Variants in TRIP11 observed in about 807,000 individuals in gnomAD.
TRIP11 encodes the protein thyroid hormone receptor interactor 11.
Under a neutral mutation model 223.1 loss-of-function variants are expected in TRIP11, and 148 were observed. That is an observed-to-expected ratio of 0.66 (90% CI 0.58 to 0.76). The LOEUF is 0.76. Ranked by LOEUF, TRIP11 falls within the 30% of genes least tolerant of loss-of-function variation. The pLI is 0.00. For missense variants in TRIP11, 2,043 were observed against 2,222.0 expected, an observed-to-expected ratio of 0.92 and a Z score of 1.62; for synonymous variants, 762 against 772.6, an observed-to-expected ratio of 0.99 and a Z score of 0.23.
chr14:91,997,358 T>A lies in TRIP11; in HGVS notation c.4893-1843A>T, dbSNP rs541367482. On this transcript the variant is annotated intron_variant, in intron 13 of 20. Transcript: ENST00000267622. ...GGTAGAAAATGAATGAGCCCATTCC[T>A]ACCTCCCAGTGACTTTACATTTCAT... is the stretch of plus-strand genomic sequence containing the variant. 9.6e-4 allele frequency among the ~76,000 whole-genome samples: 146 copies of A among 152,298 alleles called. 3 individuals are homozygous for A. The highest frequency in any genetic ancestry group is 5.9e-4 in the Non-Finnish European group (40 of 68,016).
chr14:91,990,015 CA>C (rs1364951258), intron 15 of TRIP11, among the ~76,000 whole-genome samples: 1 of 152,138 alleles, frequency 6.6e-6, no homozygotes, highest in Non-Finnish European at 1.5e-5. Context: ...GCCAACCCTA[CA>C]AATTTCAGAC....
In TRIP11 at chr14:92,004,485, C is replaced by G. The variant is rs776668031; in HGVS notation, c.3491G>C (p.Arg1164Pro). The change falls in exon 11 of 21, where the codon CGT (arginine) becomes CCT (proline). Residue 1164 changes from arginine (R) to proline (P), a missense_variant. Coordinates refer to ENST00000267622, the MANE Select transcript of TRIP11 (RefSeq NM_004239.4). ...TTCGATGTCTTTTTCTCGAATGATA[C>G]GTGATAAATTCTGAATAGTTTCTCT... ...MFRETIQNLS[R>P]IIREKDIEID... is the part of the protein sequence containing the mutation. 2 of 1,613,384 alleles carry G rather than the reference C, an allele frequency of 1.2e-6. No homozygotes were observed. Among genetic ancestry groups the G allele is most frequent in the East Asian group, 4.5e-5 (2 of 44,874 alleles).
Position 92,003,624 on chromosome 14 carries a change from A to C in TRIP11, c.4352T>G (p.Ile1451Arg). Residue 1451 changes from isoleucine (I) to arginine (R), a missense_variant, in exon 11 of 21, where the codon ATA becomes AGA. Ile to Arg is a moderately conservative substitution (Grantham distance 97). Transcript: ENST00000267622. The part of the protein sequence containing the change: ...RQAVTNLKER[I>R]LILEMDIGKL... ...GCCAATGTCCATCTCTAGAATTAAT[A>C]TTCTCTCCTTCAGGTTTGTTACTGC... 1 of 1,614,108 alleles carries C rather than the reference A, an allele frequency of 6.2e-7. No homozygotes were observed. The highest frequency in any genetic ancestry group is 8.5e-7 in the Non-Finnish European group (1 of 1,180,008).
intron 9 of TRIP11, among the ~76,000 whole-genome samples, chr14:92,008,160 T>C (rs902288780): frequency 1.3e-5 from 2 of 152,156 alleles, no homozygotes; most frequent in Non-Finnish European, 2.9e-5. Context: ...TCTCCTATCC[T>C]GCTCCACCGT....
intron 14 of TRIP11, among the ~76,000 whole-genome samples, chr14:91,994,182 C>A (rs1422869416): frequency 6.6e-6 from 1 of 152,078 alleles, no homozygotes; most frequent in Admixed American, 6.5e-5. Context: ...ACTTTCTCTA[C>A]AGTCTCAGTT....
chr14:91,975,163 T>A lies in TRIP11; in HGVS notation c.5457+9A>T. 1 of 1,609,510 alleles carries A rather than the reference T, an allele frequency of 6.2e-7. No individual in the cohort carries two copies. Among genetic ancestry groups the A allele is most frequent in the East Asian group, 2.2e-5 (1 of 44,832 alleles). On this transcript the variant is annotated intron_variant, in intron 18 of 20. Coordinates refer to ENST00000267622, the MANE Select transcript of TRIP11 (RefSeq NM_004239.4). The stretch of plus-strand genomic sequence containing the variant: ...GAATGTGTTCAGATGGCTTTCATCG[T>A]CCAGTCACCTGCTCCATCTCCTCCC...
chr14:92,035,585 A>ATTTT (rs550426136), intron 1 of TRIP11, among the ~76,000 whole-genome samples: 2,049 of 137,968 alleles, frequency 0.015, 55 homozygotes, highest in African/African-American at 0.045. Context: ...TTATTTATTT[A>ATTTT]TTTTTTTTTT....
At chr14:91,995,061 T>G (rs922552799) in intron 14 of TRIP11, among the ~76,000 whole-genome samples, 2 of 135,208 alleles carry the variant, frequency 1.5e-5, no homozygotes, top group African/African-American at 5.3e-5. Context: ...TTTCCTTGTA[T>G]TCTCCTCTTT....
In TRIP11 at chr14:92,007,686, A is replaced by C; in HGVS notation, c.1481T>G (p.Ile494Arg). 1 of 1,613,640 alleles carries C rather than the reference A, an allele frequency of 6.2e-7. No individual in the cohort carries two copies. The change falls in exon 10 of 21, where the codon ATA becomes AGA. Residue 494 changes from isoleucine (I) to arginine (R), a missense_variant. Transcript: ENST00000267622. ...TCTGTCCAATTCTTCTATCTCAGCT[A>C]TCAGTGTTTCCTTTTCACTAATACT... Reference protein sequence around the residue: ...NQSISEKETLIAEIEELDRQN... With the variant: ...NQSISEKETLRAEIEELDRQN...
intron 10 of TRIP11, among the ~76,000 whole-genome samples, chr14:92,007,101 C>T (rs1380068689): frequency 5.3e-5 from 8 of 151,450 alleles, no homozygotes; most frequent in Non-Finnish European, 1.2e-4. Context: ...TCTCGGCTCA[C>T]TGTAACCTCT....
At chr14:92,019,737 G>T (rs2057085634) in intron 4 of TRIP11, among the ~76,000 whole-genome samples, 1 of 152,024 alleles carries the variant, frequency 6.6e-6, no homozygotes, top group Non-Finnish European at 1.5e-5. Flanking sequence ...AATCTGAAAT[G>T]CTCCAAAATC....
At chr14:91,998,227 A>AT (rs1046001300) in intron 13 of TRIP11, among the ~76,000 whole-genome samples, 1 of 152,190 alleles carries the variant, frequency 6.6e-6, no homozygotes, top group African/African-American at 2.4e-5. Context: ...AATGGACACA[A>AT]TTTTTTGTGA....
intron 9 of TRIP11, among the ~76,000 whole-genome samples, chr14:92,008,097 T>C (rs531737001): frequency 6.6e-6 from 1 of 152,338 alleles, no homozygotes; most frequent in African/African-American, 2.4e-5. Flanking sequence ...GACTGTAAGT[T>C]TGTCCTCTAG....
intron 2 of TRIP11, chr14:92,026,512 T>C (rs2140142079): frequency 3.8e-6 from 4 of 1,051,484 alleles, no homozygotes; most frequent in South Asian, 3.8e-5. Context: ...CCAGAGTCCC[T>C]GAACTCTCGC....
rs545645008 is a variant in TRIP11, at chr14:91,967,309, T to C, written c.*2364A>G. The C allele has an allele frequency of 5.7e-6, 1 of 174,038 alleles. No homozygotes were observed. 10.8% of individuals were successfully genotyped at this position (174,038 alleles called of 1,614,324 possible). A position where few individuals can be genotyped will look rare whatever the true frequency, so the allele number is the denominator to read the frequency against. ...GCCTGCCACCATGCCCAGCTAATTTTTGTATTTTTAGTAGAGATGGGGTTT... is the reference window on the plus strand; with the variant it reads ...GCCTGCCACCATGCCCAGCTAATTTCTGTATTTTTAGTAGAGATGGGGTTT... On this transcript the variant is annotated 3_prime_UTR_variant, in exon 21 of 21. Transcript: ENST00000267622.
rs2056356269 is a variant in TRIP11 at position 91,967,916 on chromosome 14, A to G, written c.*1757T>C. The G allele has an allele frequency of 5.0e-6, 1 of 200,806 alleles. No individual in the cohort carries two copies. The highest frequency in any genetic ancestry group is 1.0e-5 in the Non-Finnish European group (1 of 97,678). 12.4% of individuals were successfully genotyped at this position (200,806 alleles called of 1,614,324 possible). ...AACCAAGAGGCAGTTTGACAGTTCT[A>G]ATATAGAACTTGCATGACAACTTCC... is the stretch of plus-strand genomic sequence containing the variant. On this transcript the variant is annotated 3_prime_UTR_variant, in exon 21 of 21. Transcript: ENST00000267622.
intron 10 of TRIP11, among the ~76,000 whole-genome samples, chr14:92,006,667 C>T (rs533349934): frequency 5.3e-5 from 8 of 152,190 alleles, no homozygotes; most frequent in Non-Finnish European, 1.2e-4. Context: ...GACGGAGTTT[C>T]GCTCTTGTTG....
chr14:91,981,066 T>C (rs887222777), intron 16 of TRIP11, among the ~76,000 whole-genome samples: 3 of 133,764 alleles, frequency 2.2e-5, no homozygotes, highest in Non-Finnish European at 4.6e-5. Context: ...TCACCCAGAC[T>C]GGAGTACAGT....
intron 10 of TRIP11, 135 bp from the exon 11 acceptor site, chr14:92,006,583 T>A: frequency 1.0e-6 from 1 of 975,264 alleles, no homozygotes; most frequent in Non-Finnish European, 1.5e-6. Context: ...ATTGTTTTTC[T>A]ATCAAAAACA....
Sources: gnomAD v4.1 joint callset for allele counts (sites outside exome capture counted in the v4.1 genomes callset) on GRCh38, gnomAD v4.1.1 for gene constraint, MANE v1.5 for transcripts, NCBI Gene and HGNC (gene_info 2026-07-23, HGNC 2026-07-21) for gene names.